Variants in SEC24B observed in about 807,000 individuals in gnomAD.
SEC24B encodes SEC24 homolog B, COPII component, also known as protein transport protein Sec24B.
A neutral mutation model predicts 142.8 loss-of-function variants in SEC24B; 45 were observed. The ratio of observed to expected loss-of-function variants is 0.32; its 90% CI spans 0.25 to 0.40. The LOEUF (loss-of-function observed/expected upper bound fraction) is 0.40. Ranked by LOEUF, SEC24B falls within the 10% of genes least tolerant of loss-of-function variation. The pLI, the probability that SEC24B is intolerant of heterozygous loss-of-function variation, is 1.00. For synonymous variants in SEC24B, 574 were observed against 568.2 expected (o/e 1.01, Z -0.15); for missense variants, 1,409 against 1,526.8 (o/e 0.92, Z 1.29).
intron 2 of SEC24B, among the ~76,000 whole-genome samples, chr4:109,467,360 T>A (rs892680908): frequency 4.0e-5 from 6 of 150,672 alleles, no homozygotes; most frequent in Non-Finnish European, 7.4e-5. Flanking sequence ...CCGCTCCAAG[T>A]ATGTATGTTT....
chr4:109,507,602 A>AATT (rs1450823240), intron 7 of SEC24B, among the ~76,000 whole-genome samples: 4 of 151,178 alleles, frequency 2.6e-5, no homozygotes, highest in Non-Finnish European at 5.9e-5. Context: ...GCATTAGGAG[A>AATT]ATTAGTGTTC....
At chr4:109,479,198 A>G (rs559913193) in intron 3 of SEC24B, among the ~76,000 whole-genome samples, 2 of 152,176 alleles carry the variant, frequency 1.3e-5, no homozygotes, top group African/African-American at 2.4e-5. Context: ...GTGCTGCATC[A>G]TGTTAGATTC....
At chr4:109,438,641 C>G (rs1204253796) in intron 1 of SEC24B, among the ~76,000 whole-genome samples, 1 of 152,086 alleles carries the variant, frequency 6.6e-6, no homozygotes, top group Non-Finnish European at 1.5e-5. Context: ...TTTTTAGAAA[C>G]TTTGATGTTT....
At chr4:109,464,284 G>A (rs898869699) in intron 2 of SEC24B, among the ~76,000 whole-genome samples, 2 of 151,312 alleles carry the variant, frequency 1.3e-5, no homozygotes, top group African/African-American at 4.9e-5. Flanking sequence ...TATGTAAGAC[G>A]TGGCTTGCCC....
intron 4 of SEC24B, among the ~76,000 whole-genome samples, chr4:109,489,674 GTGATATATACATA>G (rs1265704614): frequency 4.3e-5 from 5 of 116,612 alleles, no homozygotes; most frequent in Non-Finnish European, 1.9e-5. Context: ...ATATATACAT[GTGATATATACATA>G]TGATAATATA....
At chr4:109,523,546 G>A (rs1578980454) in intron 14 of SEC24B, among the ~76,000 whole-genome samples, 1 of 152,136 alleles carries the variant, frequency 6.6e-6, no homozygotes, top group East Asian at 1.9e-4. Flanking sequence ...GGTTTTATGT[G>A]AAGATTTGGT....
At chr4:109,505,924 G>A (rs929442975) in intron 6 of SEC24B, among the ~76,000 whole-genome samples, 6 of 152,038 alleles carry the variant, frequency 3.9e-5, no homozygotes, top group African/African-American at 1.4e-4. Flanking sequence ...TAAAAACATA[G>A]GAAACAAAAT....
At chr4:109,473,218 A>T (rs761057113) in intron 3 of SEC24B, 32 bp downstream of exon 3, 1 of 1,369,798 alleles carries the variant, frequency 7.3e-7, no homozygotes, top group South Asian at 1.7e-5. Flanking sequence ...GTATATGCAC[A>T]CAGACACACA....
chr4:109,483,539 T>C (rs1053389921), intron 4 of SEC24B, among the ~76,000 whole-genome samples: 1 of 147,630 alleles, frequency 6.8e-6, no homozygotes, highest in East Asian at 1.9e-4. Flanking sequence ...CATTAGGGAC[T>C]CTCAACCTAT....
chr4:109,525,302 A>G (rs1164715895), intron 15 of SEC24B, 44 bp from the exon 16 acceptor site: 1 of 1,478,154 alleles, frequency 6.8e-7, no homozygotes, highest in Non-Finnish European at 9.1e-7. Context: ...CAAGTAAAAT[A>G]TTATTATTTC....
intron 3 of SEC24B, among the ~76,000 whole-genome samples, chr4:109,479,906 T>G (rs1224642449): frequency 1.3e-5 from 2 of 152,242 alleles, no homozygotes; most frequent in East Asian, 1.9e-4. Flanking sequence ...TTCGTTTTAA[T>G]TGGGCTTTTT....
chr4:109,530,895 C>CAA lies in SEC24B; in HGVS notation c.3252+455_3252+456dup, dbSNP rs35997146. On this transcript the variant is annotated intron_variant, in intron 19 of 23. Transcript: ENST00000265175. Reference sequence around the variant, plus strand: ...TGGGCAACAGAGCGAGACTCCGTCTCAAAAAAAAAAAAAAAAAAAAAAAAA... The same window carrying CAA: ...TGGGCAACAGAGCGAGACTCCGTCTCAAAAAAAAAAAAAAAAAAAAAAAAAAA... Among the ~76,000 whole-genome samples, 397 of 45,918 alleles carry CAA rather than the reference C, an allele frequency of 8.6e-3. 5 individuals are homozygous for CAA. Among genetic ancestry groups the CAA allele is most frequent in the Non-Finnish European group, 0.013 (291 of 22,314 alleles). The allele number at this position is 45,918 out of a possible 152,430, so 30.1% of individuals were successfully genotyped here.
chr4:109,498,973 A>G (rs1400520082), intron 6 of SEC24B, among the ~76,000 whole-genome samples: 2 of 152,242 alleles, frequency 1.3e-5, no homozygotes, highest in Admixed American at 1.3e-4. Flanking sequence ...TTCAGTGAAT[A>G]TATGAAAAAC....
At chr4:109,504,425 C>T (rs2126032127) in intron 6 of SEC24B, among the ~76,000 whole-genome samples, 1 of 151,568 alleles carries the variant, frequency 6.6e-6, no homozygotes, top group East Asian at 1.9e-4. Flanking sequence ...TTTTTAATGC[C>T]TTTGATTTTG....
At position 109,539,722 on chromosome 4, in the gene SEC24B, C is replaced by A; in HGVS notation, c.*47C>A. On this transcript the variant is annotated 3_prime_UTR_variant, in exon 24 of 24. Coordinates refer to ENST00000265175, the MANE Select transcript of SEC24B (RefSeq NM_006323.5). ...AAAAAGATCTATAACCTAGGTAAAGCATAATCTGTCAGAGAAGCGCGTGAG... is the reference window on the plus strand; with the variant it reads ...AAAAAGATCTATAACCTAGGTAAAGAATAATCTGTCAGAGAAGCGCGTGAG... 8.0e-7 allele frequency: 1 copy of A among 1,256,856 alleles called. No individual in the cohort carries two copies. Among genetic ancestry groups the A allele is most frequent in the Non-Finnish European group, 1.2e-6 (1 of 866,346 alleles). 77.9% of individuals were successfully genotyped at this position (1,256,856 alleles called of 1,614,324 possible).
At chr4:109,457,930 A>G (rs1730849016) in intron 1 of SEC24B, among the ~76,000 whole-genome samples, 1 of 152,160 alleles carries the variant, frequency 6.6e-6, no homozygotes, top group Non-Finnish European at 1.5e-5. Flanking sequence ...GGCAATAATC[A>G]CACTTTTCCA....
At chr4:109,526,452 T>C in intron 17 of SEC24B, 53 bp downstream of exon 17, 3 of 1,376,692 alleles carry the variant, frequency 2.2e-6, no homozygotes, top group Non-Finnish European at 3.0e-6. Context: ...CTCCCTCCTT[T>C]CACATGGCCT....
At position 109,526,307 on chromosome 4, in the gene SEC24B, C is replaced by T. The variant is rs748094815; in HGVS notation, c.2873C>T (p.Ala958Val). ...TCCCTTGCCAACATCAATCCTGATG[C>T]TGGATTTGCGGTGCAGTTGTCAATT... ...LLSLANINPDAGFAVQLSIEE... is the reference protein window; with the variant it reads ...LLSLANINPDVGFAVQLSIEE... Residue 958 changes from alanine to valine, a missense_variant, in exon 17 of 24, where the codon GCT (alanine) becomes GTT (valine). Ala to Val is a moderately conservative substitution (Grantham distance 64, BLOSUM62 0). This residue lies in a region of SEC24B where 700 missense variants were observed against 853.3 expected (regional missense o/e 0.82). Coordinates refer to ENST00000265175, the MANE Select transcript of SEC24B (RefSeq NM_006323.5). 6.2e-7 allele frequency: 1 copy of T among 1,613,432 alleles called. No individual in the cohort carries two copies. The highest frequency in any genetic ancestry group is 8.5e-7 in the Non-Finnish European group (1 of 1,179,442).
intron 1 of SEC24B, among the ~76,000 whole-genome samples, chr4:109,449,191 T>C (rs1729794183): frequency 1.3e-5 from 2 of 152,166 alleles, no homozygotes; most frequent in Admixed American, 6.6e-5. Flanking sequence ...TAGGTTGCTA[T>C]ATTGAAACAT....
Sources: allele counts gnomAD v4.1 joint callset (sites outside exome capture counted in the v4.1 genomes callset), GRCh38; gene constraint gnomAD v4.1.1; regional missense constraint gnomAD v4.1.1; transcripts MANE v1.5; gene names NCBI Gene and HGNC (gene_info 2026-07-23, HGNC 2026-07-21).